The following FNBP1 variants were observed in gnomAD, a reference collection of about 807,000 sequenced individuals.
FNBP1 encodes the protein formin binding protein 1, also known as formin-binding protein 1.
Under a neutral mutation model 90.6 loss-of-function variants are expected in FNBP1, and 26 were observed. The ratio of observed to expected loss-of-function variants is 0.29; its 90% CI spans 0.21 to 0.40. The LOEUF (loss-of-function observed/expected upper bound fraction) is 0.40. FNBP1 is among the 10% of genes least tolerant of loss of function. The pLI, the probability that FNBP1 is intolerant of heterozygous loss-of-function variation, is 1.00. For missense variants in FNBP1, 635 were observed against 768.0 expected, an observed-to-expected ratio of 0.83 and a Z score of 2.05; for synonymous variants, 260 against 265.2, an observed-to-expected ratio of 0.98 and a Z score of 0.19.
At chr9:130,044,863 G>C (rs1288683582), upstream of FNBP1, 1 of 152,198 alleles carries the variant, frequency 6.6e-6, no homozygotes, top group African/African-American at 2.4e-5. Context: ...CTTGAACCCG[G>C]GAGGCAGAAG....
chr9:130,043,811 C>G (rs954267203), upstream of FNBP1, among the ~76,000 whole-genome samples: 2 of 152,246 alleles, frequency 1.3e-5, no homozygotes, highest in Non-Finnish European at 2.9e-5. Context: ...AGCCAAGAAA[C>G]TCTCAGGCGT....
Position 130,032,789 on chromosome 9 carries a change from C to G in FNBP1, c.24+10163G>C, listed in dbSNP as rs568419457. 2.1e-4 allele frequency among the ~76,000 whole-genome samples: 32 copies of G among 151,680 alleles called. No individual in the cohort carries two copies. In the South Asian group the frequency reaches 6.2e-3, roughly 30 times the overall value. On this transcript the variant is annotated intron_variant, in intron 1 of 16. Coordinates refer to ENST00000446176, the MANE Select transcript of FNBP1 (RefSeq NM_015033.3). ...AATAGCCAAAGAAAATTAATTCCCCCTAGAAAAAACTTAAATCTTAAGAAG... is the reference window on the plus strand; with the variant it reads ...AATAGCCAAAGAAAATTAATTCCCCGTAGAAAAAACTTAAATCTTAAGAAG...
chr9:129,990,506 G>A lies in FNBP1; in HGVS notation c.140+4337C>T, dbSNP rs148323457. Among the ~76,000 whole-genome samples, 52 of 152,306 alleles carry A rather than the reference G, an allele frequency of 3.4e-4. 1 individual carries two copies. In the East Asian group the frequency reaches 9.1e-3, roughly 27 times the overall value. On this transcript the variant is annotated intron_variant, in intron 2 of 16. Transcript: ENST00000446176. Reference sequence around the variant, plus strand: ...TACAAAAAACAGGAAGGAGGCCTCTGTATGGTTACAGCAGAGAGGAGGAGG... The same window carrying A: ...TACAAAAAACAGGAAGGAGGCCTCTATATGGTTACAGCAGAGAGGAGGAGG...
intron 4 of FNBP1, among the ~76,000 whole-genome samples, chr9:129,959,683 T>A (rs916481515): frequency 2.6e-4 from 40 of 152,308 alleles, no homozygotes; most frequent in Non-Finnish European, 4.6e-4. Context: ...TCATCTTTTT[T>A]AACTGCTTTG....
intron 9 of FNBP1, 75 bp downstream of exon 9, chr9:129,924,885 A>G: frequency 1.6e-6 from 2 of 1,256,026 alleles, no homozygotes; most frequent in Non-Finnish European, 2.2e-6. Context: ...TTAGGATCTT[A>G]GTTTTTCTAA....
chr9:130,023,181 G>GT (rs2058018668), intron 1 of FNBP1, among the ~76,000 whole-genome samples: 4 of 151,862 alleles, frequency 2.6e-5, no homozygotes, highest in Admixed American at 2.6e-4. Flanking sequence ...CAAGAAACCA[G>GT]TTATGGTGGT....
chr9:130,053,559 G>C, the FNBP1 span: 1 of 273,006 alleles, frequency 3.7e-6, no homozygotes. Context: ...TCAGTGGCCC[G>C]ACACCGTGCG....
At chr9:130,000,595 A>T (rs1477741727) in intron 1 of FNBP1, among the ~76,000 whole-genome samples, 1 of 152,180 alleles carries the variant, frequency 6.6e-6, no homozygotes, top group Non-Finnish European at 1.5e-5. Context: ...ATTTTTTTTG[A>T]ATCACATTTG....
chr9:129,954,147 G>A (rs904827408), intron 6 of FNBP1, among the ~76,000 whole-genome samples: 10 of 152,010 alleles, frequency 6.6e-5, no homozygotes, highest in Non-Finnish European at 8.8e-5. Flanking sequence ...AAATTAAGGT[G>A]AGAACATATT....
chr9:130,053,589 C>T, the FNBP1 span: 4 of 341,476 alleles, frequency 1.2e-5, no homozygotes, highest in Non-Finnish European at 2.2e-5. Context: ...GCTTATCCCC[C>T]GACCCTGAGA....
At chr9:129,923,355 C>A (rs905854287) in intron 10 of FNBP1, among the ~76,000 whole-genome samples, 2 of 151,890 alleles carry the variant, frequency 1.3e-5, no homozygotes, top group South Asian at 2.1e-4. Context: ...CCGAGGCGGG[C>A]GGATCACAAG....
At chr9:129,940,318 A>G (rs925550237) in intron 6 of FNBP1, among the ~76,000 whole-genome samples, 1 of 152,218 alleles carries the variant, frequency 6.6e-6, no homozygotes, top group African/African-American at 2.4e-5. Context: ...GATGCTCTAA[A>G]TATAGATCAG....
intron 16 of FNBP1, 31 bp downstream of exon 16, chr9:129,895,807 T>A: frequency 2.7e-6 from 4 of 1,507,472 alleles, no homozygotes; most frequent in Non-Finnish European, 3.5e-6. Flanking sequence ...AAGTTTTTTT[T>A]TTTTATGGTA....
intron 4 of FNBP1, among the ~76,000 whole-genome samples, chr9:129,973,817 C>CTT (rs1210959601): frequency 3.2e-5 from 4 of 125,976 alleles, no homozygotes; most frequent in Non-Finnish European, 6.8e-5. Flanking sequence ...CTTTTTTTTT[C>CTT]TTTTTTTTTT....
rs778583569 is a variant in FNBP1, at chr9:129,895,945, A to G, written c.1739T>C (p.Ile580Thr). Reference sequence around the variant, plus strand: ...CCAGCCATCGCCTTTGTCTTCCTCTATGACATACAATGTTTCTCCTTCAAC... The same window carrying G: ...CCAGCCATCGCCTTTGTCTTCCTCTGTGACATACAATGTTTCTCCTTCAAC... Reference protein sequence around the residue: ...SVVEGETLYVIEEDKGDGWTR... With the variant: ...SVVEGETLYVTEEDKGDGWTR... The change falls in exon 16 of 17, where the codon ATA (isoleucine) becomes ACA (threonine). Residue 580 changes from isoleucine (I) to threonine (T), a missense_variant. Coordinates refer to ENST00000446176, the MANE Select transcript of FNBP1 (RefSeq NM_015033.3). The G allele has an allele frequency of 1.1e-5, 18 of 1,611,310 alleles. No individual in the cohort carries two copies. The South Asian group carries it at 1.3e-4, about 12-fold the overall frequency.
chr9:130,021,669 CATTA>C (rs1381839561), intron 1 of FNBP1, among the ~76,000 whole-genome samples: 1 of 152,034 alleles, frequency 6.6e-6, no homozygotes, highest in Non-Finnish European at 1.5e-5. Flanking sequence ...CACAGACAAT[CATTA>C]AGGAGACTTC....
At chr9:129,916,193 T>C in intron 10 of FNBP1, 1 of 574,992 alleles carries the variant, frequency 1.7e-6, no homozygotes, top group Non-Finnish European at 3.1e-6. Context: ...ACATTTTTCT[T>C]AGGCTCCACA....
At chr9:129,908,323 C>G (rs995145065) in intron 12 of FNBP1, among the ~76,000 whole-genome samples, 1 of 151,204 alleles carries the variant, frequency 6.6e-6, no homozygotes, top group African/African-American at 2.4e-5. Context: ...TCCACTTCAG[C>G]CTCCCAAATA....
intron 6 of FNBP1, among the ~76,000 whole-genome samples, chr9:129,951,107 C>T (rs1011230106): frequency 6.6e-6 from 1 of 151,566 alleles, no homozygotes; most frequent in African/African-American, 2.4e-5. Flanking sequence ...CAGGCACATG[C>T]TATCATGCCT....
Sources: allele counts gnomAD v4.1 joint callset (sites outside exome capture counted in the v4.1 genomes callset), GRCh38; gene constraint gnomAD v4.1.1; transcripts MANE v1.5; gene names NCBI Gene and HGNC (gene_info 2026-07-23, HGNC 2026-07-21).